Variants in ABCB1 observed in about 807,000 individuals in gnomAD.
ABCB1 encodes ATP-dependent translocase ABCB1.
ABCB1 carries 69 observed loss-of-function variants against 142.0 expected under a neutral mutation model. That is an observed-to-expected ratio of 0.49 (90% CI 0.40 to 0.59). ABCB1 has a LOEUF of 0.59. Ranked by LOEUF, ABCB1 falls within the 20% of genes least tolerant of loss-of-function variation. The pLI, the probability that ABCB1 is intolerant of heterozygous loss-of-function variation, is 0.00. For missense variants in ABCB1, 1,326 were observed against 1,554.7 expected (o/e 0.85, Z 2.47); for synonymous variants, 532 against 539.2 (o/e 0.99, Z 0.18).
At chr7:87,603,301 T>C (rs1458964129), upstream of ABCB1, among the ~76,000 whole-genome samples, 3 of 152,216 alleles carry the variant, frequency 2.0e-5, no homozygotes, top group African/African-American at 7.2e-5. Context: ...CATATTACAA[T>C]AAAAGACACT....
At chr7:87,709,209 A>C (rs113094805) in intron 1 of ABCB1, 1 of 982,472 alleles carries the variant, frequency 1.0e-6, no homozygotes, top group Admixed American at 6.2e-5. Flanking sequence ...AGGAAGCAAG[A>C]TTTTCCCTAC....
chr7:87,618,550 C>A (rs1034786852), intron 1 of ABCB1, among the ~76,000 whole-genome samples: 2 of 152,162 alleles, frequency 1.3e-5, no homozygotes, highest in African/African-American at 4.8e-5. Context: ...TTAACAGACA[C>A]TTAATATACA....
chr7:87,547,672 C>A (rs1816844269), intron 14 of ABCB1, among the ~76,000 whole-genome samples: 1 of 151,972 alleles, frequency 6.6e-6, no homozygotes, highest in African/African-American at 2.4e-5. Context: ...GAGTTCAAGA[C>A]CAGCGTGGGC....
rs1815473034 is a variant in ABCB1, at chr7:87,520,866, T to C, written c.2696A>G (p.Glu899Gly). Residue 899 changes from glutamate to glycine, a missense_variant, in exon 22 of 28, where the codon GAA (glutamate) becomes GGA (glycine). Transcript: ENST00000622132. Reference protein sequence around the residue: ...ELEGSGKIATEAIENFRTVVS... With the variant: ...ELEGSGKIATGAIENFRTVVS... ...AACGGTTCGGAAGTTTTCTATTGCTTCAGTAGCGATCTGTAACAGACAGCA... is the reference window on the plus strand; with the variant it reads ...AACGGTTCGGAAGTTTTCTATTGCTCCAGTAGCGATCTGTAACAGACAGCA... 12 of 1,613,744 alleles carry C rather than the reference T, an allele frequency of 7.4e-6. No individual in the cohort carries two copies. The highest frequency in any genetic ancestry group is 1.0e-5 in the Non-Finnish European group (12 of 1,179,736).
intron 21 of ABCB1, among the ~76,000 whole-genome samples, chr7:87,524,478 G>C (rs957358443): frequency 6.6e-6 from 1 of 151,838 alleles, no homozygotes; most frequent in Non-Finnish European, 1.5e-5. Context: ...GCAAACTATC[G>C]CAAGGACAAA....
At chr7:87,582,791 T>A (rs1185657829) in intron 4 of ABCB1, among the ~76,000 whole-genome samples, 4 of 152,166 alleles carry the variant, frequency 2.6e-5, no homozygotes, top group Non-Finnish European at 5.9e-5. Context: ...TTTCCACGGG[T>A]CACAAAATAT....
At position 87,558,467 on chromosome 7, in the gene ABCB1, A is replaced by G. The variant is rs147852664; in HGVS notation, c.827+2796T>C. Among the ~76,000 whole-genome samples, 1,024 of 152,306 alleles carry G rather than the reference A, an allele frequency of 6.7e-3. 15 individuals carry two copies. The highest frequency in any genetic ancestry group is 0.023 in the African/African-American group (955 of 41,562). ...GTGTAGACAATCTTATCGTCTGTGA[A>G]TAACGACAGTTTTCTTCCTATTTTC... On this transcript the variant is annotated intron_variant, in intron 8 of 27. Coordinates refer to ENST00000622132, the MANE Select transcript of ABCB1 (RefSeq NM_001348946.2).
At position 87,554,000 on chromosome 7, in the gene ABCB1, A is replaced by G; in HGVS notation, c.828-68T>C. ...AACATGTCGATATAGCATGATAGTT[A>G]CAGAGTGGCTAGGATGTGTTCAGTC... On this transcript the variant is annotated intron_variant, in intron 8 of 27. Coordinates refer to ENST00000622132, the MANE Select transcript of ABCB1 (RefSeq NM_001348946.2). The G allele has an allele frequency of 2.1e-6, 3 of 1,451,526 alleles. No homozygotes were observed. The South Asian group carries it at 3.4e-5, about 17-fold the overall frequency. 89.9% of individuals were successfully genotyped at this position (1,451,526 alleles called of 1,614,324 possible). A position where few individuals can be genotyped will look rare whatever the true frequency, so the allele number is the denominator to read the frequency against.
intron 3 of ABCB1, among the ~76,000 whole-genome samples, chr7:87,587,874 CAAAAAAAAAAAA>C (rs35238388): frequency 1.2e-5 from 1 of 82,074 alleles, no homozygotes; most frequent in African/African-American, 4.8e-5. Context: ...GACTCTGTCT[CAAAAAAAAAAAA>C]AAAAAAAAGG....
intron 1 of ABCB1, among the ~76,000 whole-genome samples, chr7:87,684,877 A>T (rs1001429624): frequency 2.0e-5 from 3 of 152,140 alleles, no homozygotes; most frequent in African/African-American, 7.2e-5. Context: ...ACCTTTAAGA[A>T]TAATAGGCTA....
chr7:87,533,878 T>C (rs571498606), intron 20 of ABCB1, among the ~76,000 whole-genome samples: 7 of 152,342 alleles, frequency 4.6e-5, no homozygotes, highest in Non-Finnish European at 8.8e-5. Flanking sequence ...TCTTTCCTTT[T>C]TAGCCACTGT....
At chr7:87,699,565 C>G (rs1828827929) in intron 1 of ABCB1, among the ~76,000 whole-genome samples, 1 of 152,122 alleles carries the variant, frequency 6.6e-6, no homozygotes, top group Non-Finnish European at 1.5e-5. Flanking sequence ...ACCACCATGC[C>G]CAGCTAGTTT....
intron 20 of ABCB1, among the ~76,000 whole-genome samples, chr7:87,534,945 A>G (rs984901266): frequency 7.3e-6 from 1 of 137,012 alleles, no homozygotes; most frequent in Non-Finnish European, 1.5e-5. Context: ...AAAAAACTCC[A>G]TTTTTTTTTC....
chr7:87,602,624 A>G (rs1373522452), upstream of ABCB1, among the ~76,000 whole-genome samples: 1 of 152,212 alleles, frequency 6.6e-6, no homozygotes, highest in Non-Finnish European at 1.5e-5. Context: ...GGATATAAAT[A>G]CAGTGCTATA....
At chr7:87,580,338 A>T (rs1474248874) in intron 4 of ABCB1, among the ~76,000 whole-genome samples, 2 of 152,192 alleles carry the variant, frequency 1.3e-5, no homozygotes, top group Non-Finnish European at 2.9e-5. Context: ...TAGGATAAAA[A>T]GTGTTTTTCT....
intron 1 of ABCB1, among the ~76,000 whole-genome samples, chr7:87,661,926 CT>C: frequency 6.6e-6 from 1 of 152,110 alleles, no homozygotes; most frequent in East Asian, 1.9e-4. Flanking sequence ...TATTGCTTGT[CT>C]TTTGGATAAA....
chr7:87,516,762 G>T, intron 23 of ABCB1, 97 bp from the exon 24 acceptor site: 1 of 1,245,588 alleles, frequency 8.0e-7, no homozygotes, highest in Non-Finnish European at 1.1e-6. Context: ...TTTGAGGTGG[G>T]GTCTTCCTGT....
intron 7 of ABCB1, chr7:87,565,337 T>C: frequency 3.3e-6 from 1 of 304,868 alleles, no homozygotes; most frequent in Non-Finnish European, 6.6e-6. Flanking sequence ...ATTTCTCTAC[T>C]GAAAATACAC....
At chr7:87,622,602 G>A (rs1820263974) in intron 1 of ABCB1, among the ~76,000 whole-genome samples, 1 of 152,148 alleles carries the variant, frequency 6.6e-6, no homozygotes, top group South Asian at 2.1e-4. Context: ...AGACTATATT[G>A]CATGAGTGAT....
Sources: gnomAD v4.1 joint callset for allele counts (sites outside exome capture counted in the v4.1 genomes callset) on GRCh38, gnomAD v4.1.1 for gene constraint, MANE v1.5 for transcripts, NCBI Gene and HGNC (gene_info 2026-07-23, HGNC 2026-07-21) for gene names.